The following C16orf74 variants were observed in gnomAD, a reference collection of about 807,000 sequenced individuals.
The protein encoded by C16orf74 is calcimembrin.
In C16orf74, 10 loss-of-function variants were observed where a neutral mutation model predicts 6.5. That is an observed-to-expected ratio of 1.54 (90% CI 0.95 to 2.61). The LOEUF is 2.61. Ranked by LOEUF, C16orf74 falls within the 30% of genes most tolerant of loss-of-function variation. The pLI is 0.00. For synonymous variants in C16orf74, 60 were observed against 42.5 expected (o/e 1.41, Z -1.60); for missense variants, 141 against 105.9 (o/e 1.33, Z -1.45).
At chr16:85,725,431 G>T (rs1330976163) in intron 2 of C16orf74, among the ~76,000 whole-genome samples, 4 of 152,200 alleles carry the variant, frequency 2.6e-5, no homozygotes, top group African/African-American at 9.7e-5. Flanking sequence ...CACCTAGGAG[G>T]CCTCCTAGAG....
In C16orf74 at chr16:85,719,833, A is replaced by AGGG. The variant is rs146882918; in HGVS notation, c.29-9529_29-9527dup. 8.9e-4 allele frequency among the ~76,000 whole-genome samples: 127 copies of AGGG among 142,312 alleles called. 1 individual carries two copies. The highest frequency in any genetic ancestry group is 3.6e-3 in the African/African-American group (119 of 33,282). 93.4% of individuals were successfully genotyped at this position (142,312 alleles called of 152,430 possible). A position where few individuals can be genotyped will look rare whatever the true frequency, so the allele number is the denominator to read the frequency against. On this transcript the variant is annotated intron_variant, in intron 2 of 3. Coordinates refer to ENST00000284245, the MANE Select transcript of C16orf74 (RefSeq NM_206967.3). Reference sequence around the variant, plus strand: ...CACAAAGGCCCTGAGGCAGGAACATAGGGGCCACAGGCCACAGCACACACA... The same window carrying AGGG: ...CACAAAGGCCCTGAGGCAGGAACATAGGGGGGGCCACAGGCCACAGCACACACA...
intron 2 of C16orf74, among the ~76,000 whole-genome samples, chr16:85,717,679 C>T (rs1293832478): frequency 6.6e-6 from 1 of 152,248 alleles, no homozygotes; most frequent in Admixed American, 6.5e-5. Context: ...GCCATTTGCA[C>T]TCCTGCATTC....
At chr16:85,731,964 T>G (rs1248041732) in intron 2 of C16orf74, among the ~76,000 whole-genome samples, 1 of 152,258 alleles carries the variant, frequency 6.6e-6, no homozygotes, top group Non-Finnish European at 1.5e-5. Flanking sequence ...GTGTTGGGAC[T>G]ACAGGCATGG....
intron 2 of C16orf74, among the ~76,000 whole-genome samples, chr16:85,712,213 G>C (rs1187761684): frequency 2.6e-5 from 4 of 152,220 alleles, no homozygotes; most frequent in African/African-American, 9.6e-5. Context: ...CATCAGATGA[G>C]ACTGCAGCCC....
At chr16:85,721,837 C>T (rs374491105) in intron 2 of C16orf74, among the ~76,000 whole-genome samples, 1 of 152,198 alleles carries the variant, frequency 6.6e-6, no homozygotes. Context: ...GCCAGAGGAA[C>T]CCAAGCCCCC....
chr16:85,739,662 T>C (rs2054281388), intron 1 of C16orf74, among the ~76,000 whole-genome samples: 1 of 151,806 alleles, frequency 6.6e-6, no homozygotes, highest in South Asian at 2.1e-4. Flanking sequence ...TAACCAGTCA[T>C]GGTGGTGCAT....
intron 1 of C16orf74, among the ~76,000 whole-genome samples, chr16:85,736,900 C>T (rs2054250977): frequency 6.6e-6 from 1 of 152,094 alleles, no homozygotes; most frequent in South Asian, 2.1e-4. Flanking sequence ...AAAAATGAGC[C>T]AGGCATGGTG....
chr16:85,748,429 C>T (rs2054398343), intron 1 of C16orf74, among the ~76,000 whole-genome samples: 1 of 151,908 alleles, frequency 6.6e-6, no homozygotes, highest in African/African-American at 2.4e-5. Context: ...GAAACCCCAT[C>T]TCTACTAAAA....
intron 2 of C16orf74, among the ~76,000 whole-genome samples, chr16:85,724,640 C>T (rs1051565100): frequency 6.6e-6 from 1 of 151,996 alleles, no homozygotes; most frequent in Non-Finnish European, 1.5e-5. Context: ...ATGGGAATGA[C>T]GGGGATGACG....
chr16:85,732,326 AC>A (rs1363606667), intron 2 of C16orf74, among the ~76,000 whole-genome samples: 3 of 152,080 alleles, frequency 2.0e-5, no homozygotes, highest in Non-Finnish European at 2.9e-5. Context: ...GGACAGTAAG[AC>A]CCCATGTTAC....
intron 1 of C16orf74, among the ~76,000 whole-genome samples, chr16:85,739,287 C>G: frequency 6.6e-6 from 1 of 152,154 alleles, no homozygotes; most frequent in Non-Finnish European, 1.5e-5. Flanking sequence ...AAGCGCAGAC[C>G]GGCCCTGCAC....
intron 2 of C16orf74, among the ~76,000 whole-genome samples, chr16:85,721,018 G>C (rs1738164934): frequency 6.6e-6 from 1 of 152,118 alleles, no homozygotes; most frequent in African/African-American, 2.4e-5. Flanking sequence ...TTGAACCCAG[G>C]AGGCAGAGGT....
At chr16:85,715,149 T>G (rs1033729585) in intron 2 of C16orf74, among the ~76,000 whole-genome samples, 2 of 111,386 alleles carry the variant, frequency 1.8e-5, no homozygotes, top group African/African-American at 3.3e-5. Context: ...AGAGCCAGAC[T>G]CCGTCTCAAA....
At chr16:85,734,521 A>C (rs2054223462) in intron 2 of C16orf74, among the ~76,000 whole-genome samples, 1 of 152,218 alleles carries the variant, frequency 6.6e-6, no homozygotes, top group Non-Finnish European at 1.5e-5. Context: ...ACCTGGAGCC[A>C]GAGGCGGTCT....
intron 1 of C16orf74, among the ~76,000 whole-genome samples, chr16:85,737,274 G>C (rs969940714): frequency 6.6e-6 from 1 of 152,184 alleles, no homozygotes; most frequent in African/African-American, 2.4e-5. Context: ...CAGCAGCACA[G>C]GCTTCCCGGT....
intron 1 of C16orf74, among the ~76,000 whole-genome samples, chr16:85,739,761 C>T (rs190197958): frequency 1.6e-3 from 247 of 152,170 alleles, no homozygotes; most frequent in Non-Finnish European, 2.6e-3. Flanking sequence ...GTGATGGTGT[C>T]ACTGCACTAC....
In C16orf74 at chr16:85,707,798, G is replaced by C. The variant is rs1455075041; in HGVS notation, c.*210C>G. 3 of 577,620 alleles carry C rather than the reference G, an allele frequency of 5.2e-6. No individual in the cohort carries two copies. Among genetic ancestry groups the C allele is most frequent in the African/African-American group, 3.8e-5 (2 of 52,418 alleles). The allele number at this position is 577,620 out of a possible 1,614,324, so 35.8% of individuals were successfully genotyped here. On this transcript the variant is annotated 3_prime_UTR_variant, in exon 4 of 4. Transcript: ENST00000284245. ...AGAACCTGGAGGTGTCAGAGGTCCGGTCCACTCAGCGGGGCCTGGGAAACA... is the reference window on the plus strand; with the variant it reads ...AGAACCTGGAGGTGTCAGAGGTCCGCTCCACTCAGCGGGGCCTGGGAAACA...
chr16:85,726,864 C>T (rs1344600968), intron 2 of C16orf74, among the ~76,000 whole-genome samples: 1 of 152,162 alleles, frequency 6.6e-6, no homozygotes, highest in Non-Finnish European at 1.5e-5. Context: ...CTGCTGCTTG[C>T]TTCCCAGCCC....
At position 85,710,230 on chromosome 16, in the gene C16orf74, G is replaced by A; in HGVS notation, c.106C>T (p.Pro36Ser). 6.7e-7 allele frequency: 1 copy of A among 1,503,212 alleles called. No individual in the cohort carries two copies. Among genetic ancestry groups the A allele is most frequent in the Non-Finnish European group, 8.8e-7 (1 of 1,138,502 alleles). The allele number at this position is 1,503,212 out of a possible 1,614,324, so 93.1% of individuals were successfully genotyped here. The change falls in exon 3 of 4, where the codon CCC becomes TCC. Residue 36 changes from proline to serine, a missense_variant. Pro to Ser is a moderately conservative substitution (Grantham distance 74). Coordinates refer to ENST00000284245, the MANE Select transcript of C16orf74 (RefSeq NM_206967.3). ...GTGGGGGGCGTGATGATGATGTCGG[G>A]CACGTCCAGGTGCTTGTCGTTCAGG... Reference protein sequence around the residue: ...PVLNDKHLDVPDIIITPPTPT... With the variant: ...PVLNDKHLDVSDIIITPPTPT...
Sources: allele counts gnomAD v4.1 joint callset (sites outside exome capture counted in the v4.1 genomes callset), GRCh38; gene constraint gnomAD v4.1.1; transcripts MANE v1.5; gene names NCBI Gene and HGNC (gene_info 2026-07-23, HGNC 2026-07-21).